The following CACNA1S variants were observed in gnomAD, a reference collection of about 807,000 sequenced individuals.
The protein encoded by CACNA1S is voltage-dependent L-type calcium channel subunit alpha-1S.
CACNA1S carries 126 observed loss-of-function variants against 207.4 expected under a neutral mutation model. That is an observed-to-expected ratio of 0.61 (90% CI 0.53 to 0.70). CACNA1S has a LOEUF of 0.70. Ranked by LOEUF, CACNA1S falls within the 30% of genes least tolerant of loss-of-function variation. CACNA1S has a pLI of 0.00. For missense variants in CACNA1S, 2,349 were observed against 2,422.8 expected, an observed-to-expected ratio of 0.97 and a Z score of 0.64; for synonymous variants, 960 against 932.7, an observed-to-expected ratio of 1.03 and a Z score of -0.53.
intron 2 of CACNA1S, among the ~76,000 whole-genome samples, chr1:201,102,015 C>T (rs139294040): frequency 1.6e-4 from 25 of 152,310 alleles, no homozygotes; most frequent in African/African-American, 4.6e-4. Flanking sequence ...GTGAAGAAGA[C>T]GGTAGTCCCC....
chr1:201,089,192 C>T (rs144767026), intron 6 of CACNA1S, 66 bp downstream of exon 6: 2 of 1,520,522 alleles, frequency 1.3e-6, no homozygotes, highest in African/African-American at 1.4e-5. Context: ...CAAGCCCTCC[C>T]TCCCCACTCC....
At chr1:201,104,869 A>G (rs149744584) in intron 2 of CACNA1S, among the ~76,000 whole-genome samples, 28 of 152,352 alleles carry the variant, frequency 1.8e-4, no homozygotes, top group African/African-American at 6.7e-4. Flanking sequence ...AGGCCTGCCC[A>G]CAGAGCCACC....
chr1:201,083,953 C>T (rs1176755826), intron 9 of CACNA1S, among the ~76,000 whole-genome samples: 2 of 152,140 alleles, frequency 1.3e-5, no homozygotes, highest in Non-Finnish European at 1.5e-5. Context: ...AGTGGTCATA[C>T]TCATCCACAA....
At position 201,073,623 on chromosome 1, in the gene CACNA1S, C is replaced by T; in HGVS notation, c.2083G>A (p.Glu695Lys). The T allele has an allele frequency of 6.2e-7, 1 of 1,614,194 alleles. No individual in the cohort carries two copies. Among genetic ancestry groups the T allele is most frequent in the Non-Finnish European group, 8.5e-7 (1 of 1,179,998 alleles). ...KMSKGLPDKS[E>K]EEKSTMAKKL... ...TTGGCCATCGTTGACTTCTCCTCTT[C>T]TGACTTGTCTGGGAGACCCCTGAGT... The change falls in exon 15 of 44, where the codon GAA (glutamate) becomes AAA (lysine). Residue 695 changes from glutamate (E) to lysine (K), a missense_variant. Glu to Lys is a moderately conservative substitution (Grantham distance 56). Coordinates refer to ENST00000362061, the MANE Select transcript of CACNA1S (RefSeq NM_000069.3).
At chr1:201,087,662 C>G (rs899423340) in intron 7 of CACNA1S, among the ~76,000 whole-genome samples, 164 bp downstream of exon 7, 3 of 152,048 alleles carry the variant, frequency 2.0e-5, no homozygotes, top group Non-Finnish European at 4.4e-5. Flanking sequence ...TGACTCACAG[C>G]CCCCTGCCCT....
chr1:201,049,238 G>A (rs1243334358), intron 34 of CACNA1S, 139 bp from the exon 35 acceptor site: 2 of 660,556 alleles, frequency 3.0e-6, no homozygotes, highest in African/African-American at 1.8e-5. Context: ...TTTAGGAAGT[G>A]GGAGCCCAGC....
At position 201,112,225 on chromosome 1, in the gene CACNA1S, G is replaced by C; in HGVS notation, c.115C>G (p.Pro39Ala). The change falls in exon 1 of 44, where the codon CCC becomes GCC. Residue 39 changes from proline (P) to alanine (A), a missense_variant. Physicochemically the swap from Pro to Ala is conservative, Grantham distance 27. Transcript: ENST00000362061. ...RALFCLTLEN[P>A]LRKACISIVE... ...ATGCTGATGCAGGCCTTCCTCAGGG[G>C]GTTCTCCAGGGTCAGGCAGAACAAG... is the stretch of plus-strand genomic sequence containing the variant. 6.2e-7 allele frequency: 1 copy of C among 1,613,954 alleles called. No homozygotes were observed. Among genetic ancestry groups the C allele is most frequent in the African/African-American group, 1.3e-5 (1 of 74,978 alleles).
At chr1:201,100,374 G>A (rs1178690689) in intron 2 of CACNA1S, among the ~76,000 whole-genome samples, 4 of 152,222 alleles carry the variant, frequency 2.6e-5, no homozygotes, top group Admixed American at 1.3e-4. Flanking sequence ...TGGCCACGCC[G>A]CACACTGGGT....
In CACNA1S at chr1:201,041,987, G is replaced by A. The variant is rs969681447; in HGVS notation, c.5049-398C>T. The A allele has an allele frequency of 1.2e-5, 4 of 328,226 alleles. No homozygotes were observed. The Admixed American group carries it at 1.6e-4, about 13-fold the overall frequency. 20.3% of individuals were successfully genotyped at this position (328,226 alleles called of 1,614,324 possible). A position where few individuals can be genotyped will look rare whatever the true frequency, so the allele number is the denominator to read the frequency against. The stretch of plus-strand genomic sequence containing the variant: ...CATCTGTGGTGAGGCCCAGGCATTG[G>A]GATTTGCAGAAGCTCCCTGGATTAT... On this transcript the variant is annotated intron_variant, in intron 40 of 43. Transcript: ENST00000362061.
chr1:201,092,674 GT>G (rs1662282577), intron 3 of CACNA1S, among the ~76,000 whole-genome samples: 1 of 152,132 alleles, frequency 6.6e-6, no homozygotes, highest in African/African-American at 2.4e-5. Flanking sequence ...GACACATTGC[GT>G]ATGAAACAAC....
chr1:201,040,096 AG>A lies in CACNA1S; in HGVS notation c.5371-15del, dbSNP rs758025630. On this transcript the variant is annotated splice_polypyrimidine_tract_variant and intron_variant, in intron 43 of 43. Coordinates refer to ENST00000362061, the MANE Select transcript of CACNA1S (RefSeq NM_000069.3). ...TCGAACCAGAGCCTGCAGGGAGGAG[AG>A]TAGGCTGAGTGGGGTCTTCCTGGGG... 1 of 1,613,958 alleles carries A rather than the reference AG, an allele frequency of 6.2e-7. No individual in the cohort carries two copies. The highest frequency in any genetic ancestry group is 1.7e-5 in the Admixed American group (1 of 60,024).
In CACNA1S at chr1:201,091,995, A is replaced by T. The variant is rs1442109573; in HGVS notation, c.518T>A (p.Leu173His). 6.2e-7 allele frequency: 1 copy of T among 1,614,044 alleles called. No individual in the cohort carries two copies. Among genetic ancestry groups the T allele is most frequent in the South Asian group, 1.1e-5 (1 of 91,058 alleles). The change falls in exon 4 of 44, where the codon CTC becomes CAC. Residue 173 changes from leucine to histidine, a missense_variant. Transcript: ENST00000362061. ...ACTAGGCACCCCCGACACCAGCCGG[A>T]GGGGTCTGAGCACTCGGAAGGCTCT... ...ALRAFRVLRP[L>H]RLVSGVPSLQ... is the part of the protein sequence containing the mutation.
At chr1:201,042,195 G>A (rs895196859) in intron 40 of CACNA1S, among the ~76,000 whole-genome samples, 2 of 152,184 alleles carry the variant, frequency 1.3e-5, no homozygotes, top group African/African-American at 2.4e-5. Context: ...GGAGTGCAGT[G>A]GCACAATCAG....
chr1:201,050,435 G>C lies in CACNA1S; in HGVS notation c.4195C>G (p.Leu1399Val). The C allele has an allele frequency of 6.2e-7, 1 of 1,613,982 alleles. No individual in the cohort carries two copies. Among genetic ancestry groups the C allele is most frequent in the Non-Finnish European group, 8.5e-7 (1 of 1,179,886 alleles). Residue 1399 changes from leucine to valine, a missense_variant, in exon 34 of 44, where the codon CTG becomes GTG. Leu to Val is a conservative substitution (Grantham distance 32). Coordinates refer to ENST00000362061, the MANE Select transcript of CACNA1S (RefSeq NM_000069.3). The stretch of plus-strand genomic sequence containing the variant: ...GCCCAGATGGCCTTGAACTCATCCA[G>C]GTGATGAGGGCCCAGGATGGACCAG... ...RDWSILGPHHLDEFKAIWAEY... is the reference protein window; with the variant it reads ...RDWSILGPHHVDEFKAIWAEY...
chr1:201,085,823 T>G (rs910502981), intron 7 of CACNA1S, among the ~76,000 whole-genome samples: 2 of 152,084 alleles, frequency 1.3e-5, no homozygotes, highest in African/African-American at 4.8e-5. Context: ...CTTCCTCATT[T>G]CTTTCTTCTC....
chr1:201,107,743 T>C (rs1365396983), intron 2 of CACNA1S, among the ~76,000 whole-genome samples: 1 of 152,184 alleles, frequency 6.6e-6, no homozygotes, highest in Non-Finnish European at 1.5e-5. Context: ...ATCTCCCTCT[T>C]GCTGGGTTTT....
At chr1:201,082,279 A>G (rs1160971058) in intron 10 of CACNA1S, among the ~76,000 whole-genome samples, 3 of 152,056 alleles carry the variant, frequency 2.0e-5, no homozygotes, top group African/African-American at 7.2e-5. Context: ...CACCCACCTC[A>G]GCCTCCCAAA....
chr1:201,087,006 A>G (rs1662057650), intron 7 of CACNA1S, among the ~76,000 whole-genome samples: 1 of 152,242 alleles, frequency 6.6e-6, no homozygotes, highest in African/African-American at 2.4e-5. Flanking sequence ...TTCTATCTAT[A>G]GACTGCCTGG....
intron 32 of CACNA1S, among the ~76,000 whole-genome samples, chr1:201,051,978 C>T (rs1359786407): frequency 1.3e-5 from 2 of 152,138 alleles, no homozygotes; most frequent in Non-Finnish European, 2.9e-5. Context: ...AGAAGGGGCC[C>T]TGGGTGTGGG....
Sources: gnomAD v4.1 joint callset for allele counts (sites outside exome capture counted in the v4.1 genomes callset) on GRCh38, gnomAD v4.1.1 for gene constraint, MANE v1.5 for transcripts, NCBI Gene and HGNC (gene_info 2026-07-23, HGNC 2026-07-21) for gene names.